EVI5: variants seen among roughly 807,000 people sequenced by gnomAD.
EVI5 encodes the protein ecotropic viral integration site 5 protein homolog.
EVI5 carries 73 observed loss-of-function variants against 112.0 expected under a neutral mutation model. The observed-to-expected ratio is 0.65, with a 90% confidence interval of 0.54 to 0.79. EVI5 has a LOEUF of 0.79. EVI5 is among the 30% of genes least tolerant of loss of function. The probability of loss-of-function intolerance (pLI) is 0.00; values close to 1 mark genes in which losing one functional copy is unlikely to be tolerated. For missense variants in EVI5, 900 were observed against 968.8 expected (o/e 0.93, Z 0.94); for synonymous variants, 305 against 319.9 (o/e 0.95, Z 0.50).
At chr1:92,604,541 T>C (rs1649927995) in intron 18 of EVI5, among the ~76,000 whole-genome samples, 1 of 152,172 alleles carries the variant, frequency 6.6e-6, no homozygotes. Context: ...GAAAACCTCC[T>C]GAAGGATCTG....
intron 1 of EVI5, among the ~76,000 whole-genome samples, chr1:92,752,401 C>T (rs1680319250): frequency 6.6e-6 from 1 of 152,166 alleles, no homozygotes. Flanking sequence ...TCTCGAACTC[C>T]TGGCCTCAAG....
At chr1:92,698,020 T>C (rs770481215) in intron 5 of EVI5, 35 bp from the exon 6 acceptor site, 25 of 1,583,650 alleles carry the variant, frequency 1.6e-5, no homozygotes, top group Non-Finnish European at 2.1e-5. Context: ...CATAGGTTAA[T>C]GTTCTCTGAT....
At chr1:92,546,314 ACT>A (rs1557754603) in intron 19 of EVI5, among the ~76,000 whole-genome samples, 1 of 152,224 alleles carries the variant, frequency 6.6e-6, no homozygotes, top group African/African-American at 2.4e-5. Flanking sequence ...ACTGAAGTCC[ACT>A]GTTATAAAGA....
rs768609602 is a variant in EVI5 at position 92,513,726 on chromosome 1, C to G, written c.2411G>C (p.Arg804Thr). 45 of 1,613,572 alleles carry G rather than the reference C, an allele frequency of 2.8e-5. No homozygotes were observed. Among genetic ancestry groups the G allele is most frequent in the Non-Finnish European group, 3.7e-5 (44 of 1,179,858 alleles). The change falls in exon 20 of 20, where the codon AGA (arginine) becomes ACA (threonine). Residue 804 changes from arginine (R) to threonine (T), a missense_variant. Transcript: ENST00000684568. ...SETEDSVLET[R>T]ESNQVVQKER... is the part of the protein sequence containing the mutation. ...CTTTTGAACCACTTGGTTGCTCTCTCTGGTCTCCAGCACACTGTCTTCTGT... is the reference window on the plus strand; with the variant it reads ...CTTTTGAACCACTTGGTTGCTCTCTGTGGTCTCCAGCACACTGTCTTCTGT...
chr1:92,742,172 A>T (rs1168637903), intron 1 of EVI5, among the ~76,000 whole-genome samples: 3 of 152,088 alleles, frequency 2.0e-5, no homozygotes, highest in Non-Finnish European at 4.4e-5. Flanking sequence ...ACATTTCCCC[A>T]AAGAAGATAT....
At chr1:92,746,193 C>T (rs1679223138) in intron 1 of EVI5, among the ~76,000 whole-genome samples, 1 of 152,208 alleles carries the variant, frequency 6.6e-6, no homozygotes, top group Admixed American at 6.5e-5. Flanking sequence ...GACCACATTG[C>T]AGGTCAGAGT....
intron 18 of EVI5, among the ~76,000 whole-genome samples, chr1:92,579,801 G>T (rs1220458832): frequency 6.6e-6 from 1 of 152,194 alleles, no homozygotes; most frequent in Non-Finnish European, 1.5e-5. Flanking sequence ...AAAGTGCTGA[G>T]ATTACAGGTG....
At chr1:92,767,239 C>T (rs1382293979) in intron 1 of EVI5, among the ~76,000 whole-genome samples, 2 of 152,148 alleles carry the variant, frequency 1.3e-5, no homozygotes, top group Non-Finnish European at 2.9e-5. Flanking sequence ...TTTATCAGAT[C>T]CACTATTGTT....
intron 1 of EVI5, among the ~76,000 whole-genome samples, chr1:92,763,608 CTG>C (rs1224206897): frequency 2.0e-5 from 3 of 152,020 alleles, no homozygotes; most frequent in Admixed American, 2.0e-4. Context: ...GAACAAGACT[CTG>C]TCTTTAAAAC....
At chr1:92,561,613 CT>C (rs1557790309) in intron 19 of EVI5, among the ~76,000 whole-genome samples, 1 of 25,718 alleles carries the variant, frequency 3.9e-5, no homozygotes, top group East Asian at 8.8e-4. Flanking sequence ...TCTATCCTAT[CT>C]ATCTATCTAT....
intron 1 of EVI5, chr1:92,756,356 G>A: frequency 3.9e-6 from 2 of 513,078 alleles, no homozygotes; most frequent in Admixed American, 4.0e-5. Flanking sequence ...AGCCAAATAT[G>A]CAGATTTCCT....
chr1:92,601,404 C>T (rs1032482463), intron 18 of EVI5, among the ~76,000 whole-genome samples: 9 of 152,192 alleles, frequency 5.9e-5, no homozygotes, highest in African/African-American at 2.2e-4. Context: ...AAGATATCTG[C>T]ACTCCCGTGT....
intron 6 of EVI5, 117 bp downstream of exon 6, chr1:92,697,743 C>T (rs1186937584): frequency 3.7e-6 from 3 of 817,972 alleles, no homozygotes; most frequent in Non-Finnish European, 5.8e-6. Context: ...GTAATTAAAA[C>T]ACTTACTTCT....
intron 13 of EVI5, among the ~76,000 whole-genome samples, chr1:92,659,025 T>C (rs1260089173): frequency 6.6e-6 from 1 of 152,114 alleles, no homozygotes; most frequent in Non-Finnish European, 1.5e-5. Context: ...ATTAGCCATA[T>C]GAAGAAGAAT....
chr1:92,595,493 C>G (rs1050350328), intron 18 of EVI5, among the ~76,000 whole-genome samples: 1 of 152,056 alleles, frequency 6.6e-6, no homozygotes, highest in Non-Finnish European at 1.5e-5. Context: ...TGCAGCACAC[C>G]AGCATGGCAC....
chr1:92,722,400 G>C (rs542450831), intron 2 of EVI5, among the ~76,000 whole-genome samples: 1 of 151,788 alleles, frequency 6.6e-6, no homozygotes, highest in South Asian at 2.1e-4. Context: ...GAGCCATGTT[G>C]GTGTGCTGCA....
At chr1:92,622,553 T>C (rs1654823775) in intron 16 of EVI5, among the ~76,000 whole-genome samples, 1 of 152,262 alleles carries the variant, frequency 6.6e-6, no homozygotes, top group Non-Finnish European at 1.5e-5. Flanking sequence ...TGGAGTTACA[T>C]GTATAAACAT....
rs189540897 is a variant in EVI5 at position 92,539,064 on chromosome 1, A to G, written c.2166+24578T>C. ...CTTTATAATATCACACTGTGACTAC[A>G]TAAGTATTTTGTGGTATAGCTGGAA... On this transcript the variant is annotated intron_variant, in intron 19 of 19. Coordinates refer to ENST00000684568, the MANE Select transcript of EVI5 (RefSeq NM_001350197.2). Among the ~76,000 whole-genome samples, 183 of 152,338 alleles carry G rather than the reference A, an allele frequency of 1.2e-3. 1 individual carries two copies. The highest frequency in any genetic ancestry group is 4.1e-3 in the African/African-American group (172 of 41,582).
At chr1:92,647,519 T>C in intron 13 of EVI5, 2 of 514,300 alleles carry the variant, frequency 3.9e-6, no homozygotes, top group South Asian at 4.6e-5. Flanking sequence ...GAGCACTTCT[T>C]GGAAAATTCT....
Sources: allele counts gnomAD v4.1 joint callset (sites outside exome capture counted in the v4.1 genomes callset), GRCh38; gene constraint gnomAD v4.1.1; transcripts MANE v1.5; gene names NCBI Gene and HGNC (gene_info 2026-07-23, HGNC 2026-07-21).